Variants in SCNN1B observed in about 807,000 individuals in gnomAD.
The protein encoded by SCNN1B is epithelial sodium channel subunit beta.
In SCNN1B, 46 loss-of-function variants were observed where a neutral mutation model predicts 65.3. The ratio of observed to expected loss-of-function variants is 0.70; its 90% CI spans 0.56 to 0.90. SCNN1B has a LOEUF of 0.90. Among genes scored for constraint, SCNN1B ranks in the 40% least tolerant of loss-of-function variants. SCNN1B has a pLI of 0.00. For missense variants in SCNN1B, 751 were observed against 830.5 expected, an observed-to-expected ratio of 0.90 and a Z score of 1.18; for synonymous variants, 349 against 330.6, an observed-to-expected ratio of 1.06 and a Z score of -0.60.
intron 1 of SCNN1B, among the ~76,000 whole-genome samples, chr16:23,333,149 A>AGAAGGAAGGAAGGAAGGAAGGAAGGAAG (rs57483761): frequency 1.1e-5 from 1 of 89,470 alleles, no homozygotes; most frequent in Non-Finnish European, 2.2e-5. Context: ...AAGGAAGGAA[A>AGAAGGAAGGAAGGAAGGAAGGAAGGAAG]GAAGGAAGGA....
In SCNN1B at chr16:23,371,365, T is replaced by C; in HGVS notation, c.947T>C (p.Val316Ala). 1 of 1,613,720 alleles carries C rather than the reference T, an allele frequency of 6.2e-7. No individual in the cohort carries two copies. The highest frequency in any genetic ancestry group is 8.5e-7 in the Non-Finnish European group (1 of 1,179,928). Residue 316 changes from valine to alanine, a missense_variant, in exon 6 of 13, where the codon GTC becomes GCC. Val to Ala is a moderately conservative substitution (Grantham distance 64). Coordinates refer to ENST00000343070, the MANE Select transcript of SCNN1B (RefSeq NM_000336.3). ...CCCTTCCTTGCGTCCACGGCCGGGG[T>C]CAGGCTGATGCTTCACGAGCAGAGG... ...YVPFLASTAG[V>A]RLMLHEQRSY... is the part of the protein sequence containing the mutation.
At chr16:23,326,800 C>A (rs932417169) in intron 1 of SCNN1B, among the ~76,000 whole-genome samples, 1 of 152,046 alleles carries the variant, frequency 6.6e-6, no homozygotes. Flanking sequence ...TTATGGGGAA[C>A]AAATGCAGTT....
upstream of SCNN1B, among the ~76,000 whole-genome samples, chr16:23,299,046 G>T (rs867747153): frequency 1.1e-3 from 163 of 149,718 alleles, 1 homozygote; most frequent in Middle Eastern, 0.018. Flanking sequence ...TTTGCTTTTT[G>T]CTTTTTCTTT....
intron 1 of SCNN1B, among the ~76,000 whole-genome samples, chr16:23,307,025 C>T (rs532351256): frequency 6.6e-6 from 1 of 152,292 alleles, no homozygotes; most frequent in African/African-American, 2.4e-5. Flanking sequence ...TAGACTGAGG[C>T]TCAAGAAGAG....
At chr16:23,378,957 T>C (rs1348675563) in intron 11 of SCNN1B, among the ~76,000 whole-genome samples, 190 bp downstream of exon 11, 1 of 151,694 alleles carries the variant, frequency 6.6e-6, no homozygotes, top group Non-Finnish European at 1.5e-5. Context: ...GTCTACCACC[T>C]GCTAAGGAGA....
In SCNN1B at chr16:23,353,250, G is replaced by A. The variant is rs368553133; in HGVS notation, c.585+176G>A. Reference sequence around the variant, plus strand: ...TAGAAATTTTTGGCATGTTAGTCAAGACTCCTTTGGTATAAGTGATCCAGC... The same window carrying A: ...TAGAAATTTTTGGCATGTTAGTCAAAACTCCTTTGGTATAAGTGATCCAGC... On this transcript the variant is annotated intron_variant, in intron 3 of 12. Coordinates refer to ENST00000343070, the MANE Select transcript of SCNN1B (RefSeq NM_000336.3). 2.3e-5 allele frequency: 16 copies of A among 701,070 alleles called. No homozygotes were observed. In the African/African-American group the frequency reaches 2.5e-4, roughly 11 times the overall value. The allele number at this position is 701,070 out of a possible 1,614,324, so 43.4% of individuals were successfully genotyped here. A position where few individuals can be genotyped will look rare whatever the true frequency, so the allele number is the denominator to read the frequency against.
intron 1 of SCNN1B, among the ~76,000 whole-genome samples, chr16:23,307,590 G>A (rs2141982194): frequency 6.6e-6 from 1 of 152,178 alleles, no homozygotes; most frequent in South Asian, 2.1e-4. Context: ...AAAGTGCTGG[G>A]ATTACAGGCA....
chr16:23,310,548 A>C (rs142647136), intron 1 of SCNN1B, among the ~76,000 whole-genome samples: 3 of 152,310 alleles, frequency 2.0e-5, no homozygotes, highest in Admixed American at 6.5e-5. Flanking sequence ...GCCAGGCATA[A>C]TGGCACAAGT....
chr16:23,341,760 T>C (rs1164211079), intron 1 of SCNN1B, among the ~76,000 whole-genome samples: 1 of 152,098 alleles, frequency 6.6e-6, no homozygotes, highest in African/African-American at 2.4e-5. Context: ...AAAACGCAAA[T>C]TGAAACCAAC....
At position 23,375,751 on chromosome 16, in the gene SCNN1B, C is replaced by T. The variant is rs1245724676; in HGVS notation, c.1166C>T (p.Ser389Phe). The T allele has an allele frequency of 1.2e-6, 2 of 1,613,864 alleles. No homozygotes were observed. The highest frequency in any genetic ancestry group is 1.7e-6 in the Non-Finnish European group (2 of 1,179,738). ...TTYSIQACLRSCFQDHMIRNC... is the reference protein window; with the variant it reads ...TTYSIQACLRFCFQDHMIRNC... ...TACCCTCCCCAGGCCTGTCTTCGCT[C>T]CTGCTTCCAAGACCACATGATCCGT... is the stretch of plus-strand genomic sequence containing the variant. Residue 389 changes from serine (S) to phenylalanine (F), a missense_variant, in exon 8 of 13, where the codon TCC (serine) becomes TTC (phenylalanine). Ser to Phe is a radical substitution (Grantham distance 155, BLOSUM62 -2). Transcript: ENST00000343070.
At chr16:23,326,942 C>A (rs866845111) in intron 1 of SCNN1B, among the ~76,000 whole-genome samples, 12 of 151,394 alleles carry the variant, frequency 7.9e-5, no homozygotes, top group Non-Finnish European at 1.5e-4. Context: ...TTATTATGTT[C>A]TTTTATTGCT....
chr16:23,369,286 G>A (rs184999848), intron 5 of SCNN1B, among the ~76,000 whole-genome samples: 13 of 152,232 alleles, frequency 8.5e-5, no homozygotes, highest in Non-Finnish European at 1.5e-4. Flanking sequence ...GTTTCATCCT[G>A]TTGCCCAGGT....
intron 1 of SCNN1B, among the ~76,000 whole-genome samples, chr16:23,309,087 A>C (rs1177416950): frequency 6.6e-6 from 1 of 152,228 alleles, no homozygotes; most frequent in Non-Finnish European, 1.5e-5. Flanking sequence ...AGGGTATATC[A>C]TAAGATAAAG....
In SCNN1B at chr16:23,380,894, C is replaced by A. The variant is rs1051430426; in HGVS notation, c.*93C>A. ...CTGTATGGTGCCCTCTCCAAAGGGT[C>A]GGGAGGGTAGCTCTCCAGGCCAGAG... On this transcript the variant is annotated 3_prime_UTR_variant, in exon 13 of 13. Transcript: ENST00000343070. The surrounding 1 kb of genome is among the most constrained non-coding windows in gnomAD (Gnocchi z 5.4). 1 of 1,410,292 alleles carries A rather than the reference C, an allele frequency of 7.1e-7. No individual in the cohort carries two copies. Among genetic ancestry groups the A allele is most frequent in the South Asian group, 1.2e-5 (1 of 86,754 alleles). 87.4% of individuals were successfully genotyped at this position (1,410,292 alleles called of 1,614,324 possible).
At chr16:23,311,552 T>C (rs1489575100) in intron 1 of SCNN1B, among the ~76,000 whole-genome samples, 1 of 152,170 alleles carries the variant, frequency 6.6e-6, no homozygotes, top group African/African-American at 2.4e-5. Context: ...TGAATCCTGA[T>C]TGGAAAACAC....
At chr16:23,288,126 C>T (rs1960876758) in intron 2 of SCNN1B, among the ~76,000 whole-genome samples, 1 of 152,030 alleles carries the variant, frequency 6.6e-6, no homozygotes, top group South Asian at 2.1e-4. Context: ...TTACTCCAGC[C>T]TGTGTGACAA....
chr16:23,344,257 G>A (rs1307681826), intron 1 of SCNN1B, among the ~76,000 whole-genome samples: 2 of 152,224 alleles, frequency 1.3e-5, no homozygotes, highest in Admixed American at 1.3e-4. Flanking sequence ...ACTGTTGCCT[G>A]AGCCTGAGGC....
At chr16:23,369,441 A>G (rs928953017) in intron 5 of SCNN1B, among the ~76,000 whole-genome samples, 6 of 152,124 alleles carry the variant, frequency 3.9e-5, no homozygotes. Flanking sequence ...AGTCCATGGA[A>G]GTGAGGAAGT....
At chr16:23,306,254 A>C (rs1186076571) in intron 1 of SCNN1B, among the ~76,000 whole-genome samples, 1 of 152,110 alleles carries the variant, frequency 6.6e-6, no homozygotes, top group Non-Finnish European at 1.5e-5. Flanking sequence ...AAAAAAAAAA[A>C]AACCTATGTT....
Sources: allele counts gnomAD v4.1 joint callset (sites outside exome capture counted in the v4.1 genomes callset), GRCh38; gene constraint gnomAD v4.1.1; non-coding constraint Gnocchi (gnomAD v3.1); transcripts MANE v1.5; gene names NCBI Gene and HGNC (gene_info 2026-07-23, HGNC 2026-07-21).